DHRS12: variants seen among roughly 807,000 people sequenced by gnomAD.
DHRS12 encodes the protein dehydrogenase/reductase 12, also known as dehydrogenase/reductase SDR family member 12.
A neutral mutation model predicts 32.1 loss-of-function variants in DHRS12; 29 were observed. The observed-to-expected ratio is 0.90, with a 90% confidence interval of 0.67 to 1.23. The LOEUF (loss-of-function observed/expected upper bound fraction) is 1.23. Ranked by LOEUF, DHRS12 falls within the 50% of genes most tolerant of loss-of-function variation. DHRS12 has a pLI of 0.00. For missense variants in DHRS12, 330 were observed against 337.2 expected (o/e 0.98, Z 0.17); for synonymous variants, 150 against 135.9 (o/e 1.10, Z -0.72).
downstream of DHRS12, chr13:51,763,093 C>A (rs1446125347): frequency 1.3e-5 from 2 of 152,078 alleles, no homozygotes; most frequent in East Asian, 3.9e-4. Context: ...GTGTTTCAAG[C>A]AGAAAACACA....
At chr13:51,792,574 AT>A (rs1286493588) in intron 2 of DHRS12, among the ~76,000 whole-genome samples, 6 of 151,956 alleles carry the variant, frequency 3.9e-5, no homozygotes, top group South Asian at 2.1e-4. Context: ...TAATTTTTAT[AT>A]TTTTAGGAGA....
intron 4 of DHRS12, among the ~76,000 whole-genome samples, chr13:51,778,070 C>T (rs1484527007): frequency 2.0e-5 from 3 of 152,214 alleles, no homozygotes; most frequent in South Asian, 2.1e-4. Context: ...GCATCCAGCT[C>T]GCAGGAGCTG....
At chr13:51,768,673 GGTCAAGTGCT>G (rs1436851675) in intron 8 of DHRS12, 5 of 1,130,818 alleles carry the variant, frequency 4.4e-6, no homozygotes, top group Non-Finnish European at 5.4e-6. Flanking sequence ...TTCCACCCGA[GGTCAAGTGCT>G]GTCTTCGGAT....
chr13:51,796,777 G>T (rs140317344), intron 2 of DHRS12, among the ~76,000 whole-genome samples: 1 of 152,080 alleles, frequency 6.6e-6, no homozygotes. Flanking sequence ...AGATCGCAGC[G>T]GCACTTGCAG....
At chr13:51,765,543 T>C (rs994580583), downstream of DHRS12, 1 of 152,220 alleles carries the variant, frequency 6.6e-6, no homozygotes, top group African/African-American at 2.4e-5. Context: ...TAAAGTCCCT[T>C]CCAATCCTGT....
rs1338063776 is a variant in DHRS12 at position 51,782,733 on chromosome 13, C to G, written c.302-5612G>C. 1.3e-5 allele frequency among the ~76,000 whole-genome samples: 2 copies of G among 152,188 alleles called. No individual in the cohort carries two copies. The highest frequency in any genetic ancestry group is 3.8e-4 in the East Asian group (2 of 5,196). ...TGCTTCACTGAGATGTATGAAAGAA[C>G]CTGCTGTACTGCAGGGAGAACCCGA... On this transcript the variant is annotated intron_variant, in intron 4 of 8. Coordinates refer to ENST00000444610, the MANE Select transcript of DHRS12 (RefSeq NM_001377533.1). This position sits in a 1 kb window ranked among gnomAD's most constrained non-coding sequence, Gnocchi z 4.2.
At chr13:51,769,367 A>T in intron 7 of DHRS12, 74 bp from the exon 8 acceptor site, 1 of 1,228,918 alleles carries the variant, frequency 8.1e-7, no homozygotes, top group Admixed American at 3.2e-5. Flanking sequence ...TTAATTTAAA[A>T]AAAAAAAAAA....
chr13:51,775,836 TCTCCTACAGTATTCTCCTACAGTATTCTC>T (rs1212149936), intron 5 of DHRS12: 1 of 85,866 alleles, frequency 1.2e-5, no homozygotes, highest in African/African-American at 7.0e-5. Flanking sequence ...GTACATGTAT[TCTCCTACAGTATTCTCCTACAGTATTCTC>T]CTACAGTATT....
At chr13:51,755,622 C>G in the DHRS12 span, among the ~76,000 whole-genome samples, 1 of 151,948 alleles carries the variant, frequency 6.6e-6, no homozygotes, top group African/African-American at 2.4e-5. Context: ...CTACCATAGC[C>G]CATTCCTACT....
chr13:51,799,395 C>T (rs934482246), intron 2 of DHRS12, 139 bp downstream of exon 2: 2 of 1,296,852 alleles, frequency 1.5e-6, no homozygotes, highest in African/African-American at 3.0e-5. Flanking sequence ...ACTCAGAAAG[C>T]TGGCAGCTGT....
chr13:51,766,744 T>C (rs951894654), downstream of DHRS12: 5 of 152,280 alleles, frequency 3.3e-5, no homozygotes, highest in African/African-American at 1.2e-4. Context: ...TGTACAACTC[T>C]CAATGCGGAG....
At chr13:51,766,634 G>GC (rs1289289365), downstream of DHRS12, 2 of 152,176 alleles carry the variant, frequency 1.3e-5, no homozygotes, top group Non-Finnish European at 2.9e-5. Flanking sequence ...CTGTATCCAG[G>GC]CCCCCAATCA....
Position 51,791,264 on chromosome 13 carries a change from T to G in DHRS12, c.127-7A>C. Reference sequence around the variant, plus strand: ...CAATGTGCAGAAAAATGTTCTAAATTAGAAAGCAAAAAAAAAAAAAACCCT... The same window carrying G: ...CAATGTGCAGAAAAATGTTCTAAATGAGAAAGCAAAAAAAAAAAAAACCCT... On this transcript the variant is annotated splice_region_variant and splice_polypyrimidine_tract_variant and intron_variant, in intron 2 of 8. Transcript: ENST00000444610. The G allele has an allele frequency of 7.3e-7, 1 of 1,364,998 alleles. No homozygotes were observed. The highest frequency in any genetic ancestry group is 9.7e-7 in the Non-Finnish European group (1 of 1,036,076). The allele number at this position is 1,364,998 out of a possible 1,614,324, so 84.6% of individuals were successfully genotyped here.
chr13:51,778,626 G>A (rs945669680), intron 4 of DHRS12, among the ~76,000 whole-genome samples: 5 of 152,106 alleles, frequency 3.3e-5, no homozygotes, highest in East Asian at 1.9e-4. Context: ...GAAAGCCAGC[G>A]GCTGGGCTGG....
intron 4 of DHRS12, among the ~76,000 whole-genome samples, chr13:51,788,906 G>A (rs1159936263): frequency 6.6e-6 from 1 of 152,052 alleles, no homozygotes; most frequent in Non-Finnish European, 1.5e-5. Context: ...AATCAGCGGG[G>A]CTTGCTCAGT....
chr13:51,774,431 CCTA>C (rs1196729290), intron 5 of DHRS12: 19 of 108,984 alleles, frequency 1.7e-4, no homozygotes, highest in African/African-American at 7.8e-4. Flanking sequence ...ACAGTATTCT[CCTA>C]CATGTATTCT....
At chr13:51,756,899 C>T in the DHRS12 span, among the ~76,000 whole-genome samples, 1 of 152,176 alleles carries the variant, frequency 6.6e-6, no homozygotes, top group Non-Finnish European at 1.5e-5. Context: ...GGCAAATATT[C>T]CCAGTTGCCC....
At position 51,804,153 on chromosome 13, in the gene DHRS12, GC is replaced by G; in HGVS notation, c.-109del. ...CTAGCCCCACCGCGCTCCCGGCGCGGCCTCCGCCCTGGTCCCGCCCCCCGGG... is the reference window on the plus strand; with the variant it reads ...CTAGCCCCACCGCGCTCCCGGCGCGGCTCCGCCCTGGTCCCGCCCCCCGGG... On this transcript the variant is annotated 5_prime_UTR_variant, in exon 1 of 9. Transcript: ENST00000444610. The G allele has an allele frequency of 7.0e-7, 1 of 1,434,544 alleles. No homozygotes were observed. 88.9% of individuals were successfully genotyped at this position (1,434,544 alleles called of 1,614,324 possible).
rs1955652417 is a variant in DHRS12 at position 51,799,428 on chromosome 13, T to TC, written c.126+105dup. On this transcript the variant is annotated intron_variant, in intron 2 of 8. Transcript: ENST00000444610. The stretch of plus-strand genomic sequence containing the variant: ...TGTGCCCAGAACCATGGGATCGCCG[T>TC]CCAGGACTTCCTGGCCTGCCTGTGA... The TC allele has an allele frequency of 2.0e-6, 3 of 1,517,706 alleles. No homozygotes were observed. In the Admixed American group the frequency reaches 5.8e-5, roughly 30 times the overall value. The allele number at this position is 1,517,706 out of a possible 1,614,324, so 94.0% of individuals were successfully genotyped here.
Sources: gnomAD v4.1 joint callset for allele counts (sites outside exome capture counted in the v4.1 genomes callset) on GRCh38, gnomAD v4.1.1 for gene constraint, Gnocchi (gnomAD v3.1) non-coding constraint, MANE v1.5 for transcripts, NCBI Gene and HGNC (gene_info 2026-07-23, HGNC 2026-07-21) for gene names.